Variants in RNF150 observed in about 807,000 individuals in gnomAD.
RNF150 encodes ring finger protein 150.
In RNF150, 24 loss-of-function variants were observed where a neutral mutation model predicts 39.3. The ratio of observed to expected loss-of-function variants is 0.61; its 90% CI spans 0.44 to 0.86. The LOEUF is 0.86. Among genes scored for constraint, RNF150 ranks in the 40% least tolerant of loss-of-function variants. The pLI is 0.00. For missense variants in RNF150, 502 were observed against 587.8 expected, an observed-to-expected ratio of 0.85 and a Z score of 1.51; for synonymous variants, 255 against 227.3, an observed-to-expected ratio of 1.12 and a Z score of -1.10.
intron 1 of RNF150, chr4:141,053,721 A>G: frequency 7.1e-7 from 1 of 1,414,018 alleles, no homozygotes; most frequent in Non-Finnish European, 9.2e-7. Flanking sequence ...GGGCATGAGA[A>G]GACATTAAAC....
At chr4:140,902,399 C>T (rs1007462883) in intron 6 of RNF150, among the ~76,000 whole-genome samples, 1 of 152,134 alleles carries the variant, frequency 6.6e-6, no homozygotes, top group African/African-American at 2.4e-5. Context: ...AAAAAGGAAA[C>T]GCTCTTTACA....
chr4:140,924,502 A>T (rs1270260795), intron 5 of RNF150, among the ~76,000 whole-genome samples: 1 of 152,194 alleles, frequency 6.6e-6, no homozygotes, highest in African/African-American at 2.4e-5. Context: ...GAACAATAGG[A>T]ACACATCAAA....
intron 4 of RNF150, among the ~76,000 whole-genome samples, chr4:140,938,778 G>GTGC (rs999228054): frequency 6.6e-6 from 1 of 152,104 alleles, no homozygotes; most frequent in Non-Finnish European, 1.5e-5. Flanking sequence ...ATGTCTCCCA[G>GTGC]TGCTGCTTCT....
At chr4:140,921,988 T>A (rs567443182) in intron 5 of RNF150, among the ~76,000 whole-genome samples, 1 of 147,886 alleles carries the variant, frequency 6.8e-6, no homozygotes, top group South Asian at 2.3e-4. Context: ...AAGAGCTATC[T>A]ATGACAAACC....
At chr4:141,128,315 C>T (rs987960406) in intron 1 of RNF150, among the ~76,000 whole-genome samples, 1 of 152,192 alleles carries the variant, frequency 6.6e-6, no homozygotes, top group South Asian at 2.1e-4. Flanking sequence ...GTGTTATCCT[C>T]CACTTCACAA....
At chr4:140,873,219 T>C (rs1415118339) in intron 6 of RNF150, among the ~76,000 whole-genome samples, 6 of 152,246 alleles carry the variant, frequency 3.9e-5, no homozygotes, top group Admixed American at 3.3e-4. Context: ...ACCTGTCTGA[T>C]TCCCAGATGG....
intron 1 of RNF150, among the ~76,000 whole-genome samples, chr4:141,021,512 A>C (rs1392870146): frequency 2.0e-5 from 3 of 152,178 alleles, no homozygotes; most frequent in Non-Finnish European, 4.4e-5. Context: ...AAAGGGGCAT[A>C]ATCACTCAAT....
chr4:140,888,598 C>A (rs1349412423), intron 6 of RNF150, among the ~76,000 whole-genome samples: 1 of 152,164 alleles, frequency 6.6e-6, no homozygotes, highest in Non-Finnish European at 1.5e-5. Context: ...AGGTAAGCTG[C>A]TCAACAAGGT....
intron 4 of RNF150, 111 bp from the exon 5 acceptor site, chr4:140,926,184 G>A: frequency 2.7e-6 from 2 of 732,996 alleles, no homozygotes; most frequent in Non-Finnish European, 4.8e-6. Context: ...GCAGAGCCAA[G>A]ACTCAAACCT....
chr4:140,946,746 T>C (rs1045633738), intron 4 of RNF150, among the ~76,000 whole-genome samples: 1 of 152,300 alleles, frequency 6.6e-6, no homozygotes, highest in Admixed American at 6.5e-5. Flanking sequence ...TCTCAAGCGA[T>C]CCTCCTGTCT....
At chr4:140,919,867 C>T (rs1308839415) in intron 5 of RNF150, among the ~76,000 whole-genome samples, 1 of 152,036 alleles carries the variant, frequency 6.6e-6, no homozygotes, top group East Asian at 1.9e-4. Context: ...GAACAGAGCC[C>T]TCAGAAATAA....
chr4:140,952,809 A>T (rs887358134), intron 2 of RNF150, among the ~76,000 whole-genome samples: 2 of 152,188 alleles, frequency 1.3e-5, no homozygotes, highest in African/African-American at 4.8e-5. Context: ...AGATTGAGGG[A>T]AAGAGAGTAA....
intron 1 of RNF150, among the ~76,000 whole-genome samples, chr4:141,006,420 T>C (rs561655970): frequency 5.3e-5 from 8 of 152,296 alleles, no homozygotes; most frequent in Middle Eastern, 3.4e-3. Context: ...AGCAGTAAAA[T>C]TGATCAACAA....
chr4:141,076,211 A>AT (rs1290719936), intron 1 of RNF150, among the ~76,000 whole-genome samples: 2 of 152,196 alleles, frequency 1.3e-5, no homozygotes, highest in East Asian at 3.8e-4. Flanking sequence ...CAGACCTTGC[A>AT]TGCTTTGTTC....
At chr4:140,951,442 T>TAC (rs1327705426) in intron 2 of RNF150, among the ~76,000 whole-genome samples, 1 of 151,878 alleles carries the variant, frequency 6.6e-6, no homozygotes, top group Admixed American at 6.6e-5. Flanking sequence ...TACACACACG[T>TAC]ACACACACAC....
At chr4:140,927,649 TC>T (rs1458806881) in intron 4 of RNF150, among the ~76,000 whole-genome samples, 978 of 74,568 alleles carry the variant, frequency 0.013, 8 homozygotes, top group Non-Finnish European at 0.018. Flanking sequence ...TTTTTTTGTT[TC>T]TTTTTTTTTT....
chr4:140,927,874 C>G (rs1466227299), intron 4 of RNF150, among the ~76,000 whole-genome samples: 2 of 151,832 alleles, frequency 1.3e-5, no homozygotes, highest in Non-Finnish European at 2.9e-5. Flanking sequence ...GTCCTGAACT[C>G]CTGACCTCAA....
At chr4:141,156,936 T>G (rs1400109885) in intron 1 of RNF150, among the ~76,000 whole-genome samples, 1 of 151,940 alleles carries the variant, frequency 6.6e-6, no homozygotes, top group African/African-American at 2.4e-5. Flanking sequence ...TATAGATGAT[T>G]AAAATAATCA....
At chr4:140,960,103 AATTCTTG>A (rs968715618) in intron 2 of RNF150, among the ~76,000 whole-genome samples, 79 of 152,012 alleles carry the variant, frequency 5.2e-4, no homozygotes, top group African/African-American at 1.8e-3. Context: ...GTCAAATCCA[AATTCTTG>A]ATACTCTAGC....
Sources: gnomAD v4.1 joint callset for allele counts (sites outside exome capture counted in the v4.1 genomes callset) on GRCh38, gnomAD v4.1.1 for gene constraint, MANE v1.5 for transcripts, NCBI Gene and HGNC (gene_info 2026-07-23, HGNC 2026-07-21) for gene names.